HUNK: variants seen among roughly 807,000 people sequenced by gnomAD.
HUNK encodes hormonally up-regulated Neu-associated kinase.
HUNK carries 21 observed loss-of-function variants against 61.0 expected under a neutral mutation model. The ratio of observed to expected loss-of-function variants is 0.34; its 90% CI spans 0.24 to 0.50. The LOEUF is 0.50. Ranked by LOEUF, HUNK falls within the 20% of genes least tolerant of loss-of-function variation. HUNK has a pLI of 0.98. For synonymous variants in HUNK, 371 were observed against 386.1 expected (o/e 0.96, Z 0.46); for missense variants, 772 against 945.7 (o/e 0.82, Z 2.41).
intron 1 of HUNK, among the ~76,000 whole-genome samples, chr21:31,895,907 C>T (rs2052421636): frequency 6.6e-6 from 1 of 152,210 alleles, no homozygotes; most frequent in East Asian, 1.9e-4. Flanking sequence ...TCCTAACCCC[C>T]AGTATCTCAG....
At chr21:31,990,388 G>C (rs1408012903) in intron 9 of HUNK, among the ~76,000 whole-genome samples, 1 of 151,952 alleles carries the variant, frequency 6.6e-6, no homozygotes, top group Non-Finnish European at 1.5e-5. Context: ...AGGCCATCTA[G>C]AGGCAGAATT....
At chr21:31,968,874 G>A (rs369566228) in intron 6 of HUNK, among the ~76,000 whole-genome samples, 3 of 117,754 alleles carry the variant, frequency 2.5e-5, no homozygotes, top group East Asian at 4.9e-4. Context: ...GTGTGTGTGT[G>A]TATGTCTTTG....
chr21:31,897,258 CA>C (rs34252110), intron 1 of HUNK, among the ~76,000 whole-genome samples: 75,854 of 151,816 alleles, frequency 0.5, 19,531 homozygotes, highest in Middle Eastern at 0.68. Context: ...GAAACCAAAA[CA>C]AAAAAAATTA....
In HUNK at chr21:31,968,394, G is replaced by C; in HGVS notation, c.1010+9G>C. 6.2e-7 allele frequency: 1 copy of C among 1,614,030 alleles called. No homozygotes were observed. The highest frequency in any genetic ancestry group is 8.5e-7 in the Non-Finnish European group (1 of 1,179,958). ...GTCACCTATCCCAACAGGTAATTTC[G>C]TGCACCCAGAGGAACTCCTCGGGAG... On this transcript the variant is annotated intron_variant, in intron 6 of 10. Transcript: ENST00000270112.
At chr21:31,989,906 C>T (rs182546114) in intron 8 of HUNK, among the ~76,000 whole-genome samples, 1 of 152,086 alleles carries the variant, frequency 6.6e-6, no homozygotes, top group Admixed American at 6.6e-5. Flanking sequence ...CTCCTCCATA[C>T]GGCATCTTAG....
intron 1 of HUNK, among the ~76,000 whole-genome samples, chr21:31,893,700 G>T (rs2052406714): frequency 1.3e-5 from 2 of 152,154 alleles, no homozygotes; most frequent in African/African-American, 2.4e-5. Context: ...ATTTATAGAT[G>T]ATTCTACACG....
rs138607843 is a variant in HUNK at position 31,879,972 on chromosome 21, G to T, written c.261+6037G>T. On this transcript the variant is annotated intron_variant, in intron 1 of 10. Coordinates refer to ENST00000270112, the MANE Select transcript of HUNK (RefSeq NM_014586.2). ...CCTGGTCTAAGTACTGACCTGAATT[G>T]AATTTCACGCTTTCTGATAGGAGGT... Among the ~76,000 whole-genome samples, 840 of 152,292 alleles carry T rather than the reference G, an allele frequency of 5.5e-3. 10 individuals carry two copies. The highest frequency in any genetic ancestry group is 0.018 in the African/African-American group (760 of 41,556).
At chr21:31,979,946 A>G (rs1414986460) in intron 7 of HUNK, among the ~76,000 whole-genome samples, 2 of 152,104 alleles carry the variant, frequency 1.3e-5, no homozygotes, top group African/African-American at 4.8e-5. Context: ...ACATTTGTCT[A>G]TTTGTGCTTT....
chr21:31,874,425 G>T (rs1256058241), intron 1 of HUNK, among the ~76,000 whole-genome samples: 3 of 152,112 alleles, frequency 2.0e-5, no homozygotes, highest in South Asian at 2.1e-4. Context: ...GTGGGAGAAG[G>T]CTGAGATCCT....
At chr21:31,988,257 G>A (rs1207936653) in intron 8 of HUNK, among the ~76,000 whole-genome samples, 2 of 152,160 alleles carry the variant, frequency 1.3e-5, no homozygotes, top group South Asian at 2.1e-4. Flanking sequence ...TTTGGGGGTC[G>A]AGGTGGGGAG....
Position 31,873,908 on chromosome 21 carries a change from G to A in HUNK, c.234G>A (p.Glu78=), listed in dbSNP as rs1256676754. 6.4e-7 allele frequency: 1 copy of A among 1,570,862 alleles called. No homozygotes were observed. The highest frequency in any genetic ancestry group is 8.6e-7 in the Non-Finnish European group (1 of 1,161,316). ...LGEGSFAKVR[E]GLHVLTGEKV... Reference sequence around the variant, plus strand: ...AGGGCTCCTTTGCCAAGGTGCGCGAGGGGCTGCACGTGCTGACCGGGGAGA... The same window carrying A: ...AGGGCTCCTTTGCCAAGGTGCGCGAAGGGCTGCACGTGCTGACCGGGGAGA... Residue 78 remains glutamate, a synonymous_variant, in exon 1 of 11, where the codon GAG becomes GAA. Coordinates refer to ENST00000270112, the MANE Select transcript of HUNK (RefSeq NM_014586.2). The surrounding 1 kb of genome is among the most constrained non-coding windows in gnomAD (Gnocchi z 6.1).
intron 1 of HUNK, among the ~76,000 whole-genome samples, chr21:31,897,871 G>C (rs1436436190): frequency 6.6e-6 from 1 of 152,124 alleles, no homozygotes; most frequent in Non-Finnish European, 1.5e-5. Flanking sequence ...TAGCTTCATT[G>C]CCTCTGTTCC....
At chr21:31,899,354 G>T (rs1466854149) in intron 1 of HUNK, among the ~76,000 whole-genome samples, 4 of 152,128 alleles carry the variant, frequency 2.6e-5, no homozygotes, top group Non-Finnish European at 5.9e-5. Context: ...AGCTCTGGTG[G>T]TTGCCTGCAG....
chr21:31,880,451 T>C (rs1438147889), intron 1 of HUNK, among the ~76,000 whole-genome samples: 1 of 152,188 alleles, frequency 6.6e-6, no homozygotes, highest in Non-Finnish European at 1.5e-5. Context: ...CTTCCTTGCC[T>C]CTTACTAGCT....
intron 4 of HUNK, among the ~76,000 whole-genome samples, chr21:31,955,645 A>C (rs1337061559): frequency 1.3e-5 from 2 of 152,230 alleles, no homozygotes; most frequent in Non-Finnish European, 2.9e-5. Flanking sequence ...GTGTGGTGGA[A>C]GGTGTTCTTA....
Position 31,999,117 on chromosome 21 carries a change from C to A in HUNK, c.2078C>A (p.Pro693Gln), listed in dbSNP as rs761857051. 6.2e-7 allele frequency: 1 copy of A among 1,614,092 alleles called. No homozygotes were observed. Among genetic ancestry groups the A allele is most frequent in the Middle Eastern group, 1.6e-4 (1 of 6,084 alleles). Residue 693 changes from proline (P) to glutamine (Q), a missense_variant, in exon 11 of 11, where the codon CCA becomes CAA. Around this residue, in one of 2 missense-constraint regions of HUNK, gnomAD observed 413 missense variants for 444.4 expected, o/e 0.93. Transcript: ENST00000270112. The stretch of plus-strand genomic sequence containing the variant: ...AGGCCCCTGGAGGCCAGCCTGCCCC[C>A]ACTGCAGCCCCTAGCCCCTGTGAAC... ...ADRPLEASLP[P>Q]LQPLAPVNLA...
At chr21:31,923,621 A>G (rs1030369145) in intron 1 of HUNK, among the ~76,000 whole-genome samples, 6 of 147,554 alleles carry the variant, frequency 4.1e-5, no homozygotes, top group Non-Finnish European at 7.6e-5. Context: ...AAGGGTGAAT[A>G]CAATGGAGAG....
At chr21:31,885,403 TGAC>T (rs1226559185) in intron 1 of HUNK, among the ~76,000 whole-genome samples, 2 of 152,228 alleles carry the variant, frequency 1.3e-5, no homozygotes, top group South Asian at 4.1e-4. Flanking sequence ...GGCCTCGGCC[TGAC>T]GACCGTCTCT....
intron 3 of HUNK, among the ~76,000 whole-genome samples, chr21:31,941,104 A>G (rs1601388932): frequency 2.0e-5 from 3 of 152,210 alleles, no homozygotes; most frequent in Non-Finnish European, 4.4e-5. Flanking sequence ...TTTTGGGATT[A>G]CAGTCAGCTC....
Sources: gnomAD v4.1 joint callset for allele counts (sites outside exome capture counted in the v4.1 genomes callset) on GRCh38, gnomAD v4.1.1 for gene constraint, gnomAD v4.1.1 regional missense constraint, Gnocchi (gnomAD v3.1) non-coding constraint, MANE v1.5 for transcripts, NCBI Gene and HGNC (gene_info 2026-07-23, HGNC 2026-07-21) for gene names.